The following PNISR variants were observed in gnomAD, a reference collection of about 807,000 sequenced individuals.
PNISR encodes PNN interacting serine and arginine rich protein.
PNISR carries 20 observed loss-of-function variants against 93.4 expected under a neutral mutation model. The ratio of observed to expected loss-of-function variants is 0.21; its 90% CI spans 0.15 to 0.31. The LOEUF (loss-of-function observed/expected upper bound fraction) is 0.31, where lower values mean the gene tolerates loss of function less well. PNISR is among the 10% of genes least tolerant of loss of function. The probability of loss-of-function intolerance (pLI) is 1.00; values close to 1 mark genes in which losing one functional copy is unlikely to be tolerated. For synonymous variants in PNISR, 305 were observed against 306.5 expected, an observed-to-expected ratio of 0.99 and a Z score of 0.05; for missense variants, 893 against 985.4, an observed-to-expected ratio of 0.91 and a Z score of 1.25.
intron 2 of PNISR, 170 bp downstream of exon 2, chr6:99,416,179 C>G: frequency 2.6e-6 from 1 of 386,128 alleles, no homozygotes; most frequent in Non-Finnish European, 4.6e-6. Context: ...GTGTTTCCTT[C>G]TTCCTCCCCT....
At chr6:99,422,876 C>CAAAAAAAA (rs58924048) in intron 1 of PNISR, among the ~76,000 whole-genome samples, 2 of 94,954 alleles carry the variant, frequency 2.1e-5, no homozygotes, top group Non-Finnish European at 3.9e-5. Flanking sequence ...CACTCTGTCT[C>CAAAAAAAA]AAAAAAAAAA....
rs2128490064 is a variant in PNISR at position 99,414,584 on chromosome 6, G to T, written c.76C>A (p.Gln26Lys). ...TTTGTTTCCTTACTTGGATCCTGTT[G>T]GTGCTGGAATGACTGCATCCATTGT... ...QQQWMQSFQH[Q>K]QDPSQIDWAA... Residue 26 changes from glutamine (Q) to lysine (K), a missense_variant, in exon 3 of 12, where the codon CAA (glutamine) becomes AAA (lysine). Gln to Lys is a moderately conservative substitution (Grantham distance 53). Around this residue, in one of 3 missense-constraint regions of PNISR, gnomAD observed 24 missense variants for 32.9 expected, o/e 0.73. Coordinates refer to ENST00000369239, the MANE Select transcript of PNISR (RefSeq NM_032870.4). 1 of 1,583,128 alleles carries T rather than the reference G, an allele frequency of 6.3e-7. No individual in the cohort carries two copies. The highest frequency in any genetic ancestry group is 8.7e-7 in the Non-Finnish European group (1 of 1,153,178).
At chr6:99,409,399 G>A (rs1425755795) in intron 5 of PNISR, 55 bp from the exon 6 acceptor site, 5 of 1,502,962 alleles carry the variant, frequency 3.3e-6, no homozygotes, top group Non-Finnish European at 4.6e-6. Flanking sequence ...ATACTCTCTG[G>A]GACACACGTG....
intron 1 of PNISR, among the ~76,000 whole-genome samples, chr6:99,423,679 T>C (rs569514515): frequency 3.3e-5 from 5 of 152,290 alleles, no homozygotes; most frequent in Admixed American, 1.3e-4. Context: ...CAAATTCCAA[T>C]AGCAGGGCAC....
rs770916966 is a variant in PNISR, at chr6:99,410,841, A to G, written c.401T>C (p.Phe134Ser). The G allele has an allele frequency of 3.7e-6, 6 of 1,614,054 alleles. No individual in the cohort carries two copies. The highest frequency in any genetic ancestry group is 5.1e-6 in the Non-Finnish European group (6 of 1,179,976). Residue 134 changes from phenylalanine (F) to serine (S), a missense_variant, in exon 5 of 12, where the codon TTT (phenylalanine) becomes TCT (serine). Phe to Ser is a radical substitution (Grantham distance 155). This residue lies in a region of PNISR where 866 missense variants were observed against 935.1 expected (regional missense o/e 0.93). Coordinates refer to ENST00000369239, the MANE Select transcript of PNISR (RefSeq NM_032870.4). Reference protein sequence around the residue: ...EDSNSQDSGEFAPDNRHIFNQ... With the variant: ...EDSNSQDSGESAPDNRHIFNQ... ...AAATATATGCCTGTTGTCAGGGGCAAATTCCCCACTGTCCTGACTGTTGCT... is the reference window on the plus strand; with the variant it reads ...AAATATATGCCTGTTGTCAGGGGCAGATTCCCCACTGTCCTGACTGTTGCT...
intron 8 of PNISR, among the ~76,000 whole-genome samples, chr6:99,405,282 T>G (rs1267011652): frequency 6.6e-6 from 1 of 151,866 alleles, no homozygotes; most frequent in Non-Finnish European, 1.5e-5. Context: ...CTGAACAACA[T>G]GGCGAAACCT....
rs770886038 is a variant in PNISR, at chr6:99,400,844, C to T, written c.2114G>A (p.Ser705Asn). The T allele has an allele frequency of 5.0e-6, 8 of 1,607,272 alleles. No homozygotes were observed. Among genetic ancestry groups the T allele is most frequent in the Non-Finnish European group, 6.8e-6 (8 of 1,176,236 alleles). Residue 705 changes from serine (S) to asparagine (N), a missense_variant, in exon 12 of 12, where the codon AGT becomes AAT. Transcript: ENST00000369239. ...QKREEKDFKF[S>N]SQDDRLKRKR... is the part of the protein sequence containing the mutation. ...CCTTTTTAATCTATCATCCTGACTA[C>T]TGAACTTAAAATCTTTTTCTTCCCT...
intron 1 of PNISR, among the ~76,000 whole-genome samples, chr6:99,419,617 T>C (rs1778274924): frequency 6.6e-6 from 1 of 152,200 alleles, no homozygotes; most frequent in Non-Finnish European, 1.5e-5. Flanking sequence ...TAGAGGACAT[T>C]TGCCCAATGT....
At chr6:99,410,259 A>G (rs1776737564) in intron 5 of PNISR, 1 of 159,300 alleles carries the variant, frequency 6.3e-6, no homozygotes, top group African/African-American at 2.4e-5. Context: ...TACAGAGGAA[A>G]TTATATACAA....
At chr6:99,409,726 A>G (rs1312271594) in intron 5 of PNISR, 1 of 160,638 alleles carries the variant, frequency 6.2e-6, no homozygotes, top group Admixed American at 5.9e-5. Context: ...AAAGTGAACT[A>G]AACAACTTAA....
chr6:99,422,895 AAAAAC>A (rs1216889564), intron 1 of PNISR, among the ~76,000 whole-genome samples: 4 of 133,000 alleles, frequency 3.0e-5, no homozygotes, highest in Non-Finnish European at 6.5e-5. Context: ...AAAAAAAAAA[AAAAAC>A]TGGAGAATTG....
At chr6:99,413,320 T>G (rs1386970232) in intron 3 of PNISR, among the ~76,000 whole-genome samples, 1 of 152,140 alleles carries the variant, frequency 6.6e-6, no homozygotes. Context: ...TTACTCAAAA[T>G]TCATTTCCCC....
intron 8 of PNISR, 59 bp downstream of exon 8, chr6:99,405,972 C>A (rs62432268): frequency 8.2e-7 from 1 of 1,220,376 alleles, no homozygotes; most frequent in Non-Finnish European, 1.1e-6. Context: ...AATATTGTCT[C>A]CAAAAAAAAT....
intron 5 of PNISR, chr6:99,410,477 C>A: frequency 2.5e-6 from 1 of 406,354 alleles, no homozygotes; most frequent in Non-Finnish European, 4.4e-6. Flanking sequence ...AATAAAACAT[C>A]ATATAGCTAT....
intron 1 of PNISR, among the ~76,000 whole-genome samples, chr6:99,417,533 TTG>T (rs1231936147): frequency 6.6e-6 from 1 of 152,216 alleles, no homozygotes; most frequent in Non-Finnish European, 1.5e-5. Context: ...CAAAGGATTA[TTG>T]TGAGGATTAA....
intron 1 of PNISR, among the ~76,000 whole-genome samples, chr6:99,421,893 T>C: frequency 6.6e-6 from 1 of 152,196 alleles, no homozygotes; most frequent in Non-Finnish European, 1.5e-5. Flanking sequence ...ATTGAGAAAT[T>C]CTCACTCTGT....
In PNISR at chr6:99,401,115, C is replaced by G; in HGVS notation, c.1843G>C (p.Glu615Gln). ...GAGCGACTTCTACTTCTACGTCTCT[C>G]TCGGGAAGGACTCCGATTTCGTCGT... ...ERRRNRSPSRERRRSRSRSRD... is the reference protein window; with the variant it reads ...ERRRNRSPSRQRRRSRSRSRD... Residue 615 changes from glutamate (E) to glutamine (Q), a missense_variant, in exon 12 of 12, where the codon GAG becomes CAG. By Grantham distance (29) the Glu-to-Gln change is conservative. Around this residue, in one of 3 missense-constraint regions of PNISR, gnomAD observed 866 missense variants for 935.1 expected, o/e 0.93. Transcript: ENST00000369239. The G allele has an allele frequency of 6.2e-7, 1 of 1,613,948 alleles. No homozygotes were observed. Among genetic ancestry groups the G allele is most frequent in the Non-Finnish European group, 8.5e-7 (1 of 1,180,022 alleles).
At chr6:99,412,351 T>C (rs1022588244) in intron 4 of PNISR, 200 bp downstream of exon 4, 8 of 683,034 alleles carry the variant, frequency 1.2e-5, no homozygotes, top group Admixed American at 2.0e-5. Flanking sequence ...AGAATCAAAC[T>C]GAGTGCCACA....
intron 1 of PNISR, among the ~76,000 whole-genome samples, chr6:99,420,129 C>T (rs1477259054): frequency 6.6e-6 from 1 of 152,164 alleles, no homozygotes; most frequent in South Asian, 2.1e-4. Context: ...GTGATCCTCC[C>T]GCCTCAGTCC....
Sources: allele counts gnomAD v4.1 joint callset (sites outside exome capture counted in the v4.1 genomes callset), GRCh38; gene constraint gnomAD v4.1.1; regional missense constraint gnomAD v4.1.1; transcripts MANE v1.5; gene names NCBI Gene and HGNC (gene_info 2026-07-23, HGNC 2026-07-21).